NRG1: variants seen among roughly 807,000 people sequenced by gnomAD.
NRG1 encodes pro-neuregulin-1, membrane-bound isoform.
Under a neutral mutation model 63.8 loss-of-function variants are expected in NRG1, and 18 were observed. That is an observed-to-expected ratio of 0.28 (90% CI 0.19 to 0.42). NRG1 has a LOEUF of 0.42. NRG1 is among the 10% of genes least tolerant of loss of function. NRG1 has a pLI of 1.00. For missense variants in NRG1, 762 were observed against 814.7 expected (o/e 0.94, Z 0.79); for synonymous variants, 302 against 301.3 (o/e 1.00, Z -0.02).
chr8:32,608,103 T>G (rs1323519886), intron 3 of NRG1, among the ~76,000 whole-genome samples: 52 of 126,704 alleles, frequency 4.1e-4, no homozygotes, highest in East Asian at 1.2e-3. Context: ...TTTTTTTTTT[T>G]TTTGTTTTTT....
intron 5 of NRG1, among the ~76,000 whole-genome samples, chr8:32,624,038 A>G (rs888789018): frequency 1.3e-5 from 2 of 152,212 alleles, no homozygotes; most frequent in African/African-American, 4.8e-5. Context: ...TTTATAAGGC[A>G]TATTTTCTTA....
chr8:32,304,600 A>C (rs1476629058), intron 1 of NRG1, among the ~76,000 whole-genome samples: 1 of 152,198 alleles, frequency 6.6e-6, no homozygotes, highest in Non-Finnish European at 1.5e-5. Flanking sequence ...TAGTAAAAAA[A>C]ATATAAAATA....
At chr8:32,453,610 G>T (rs1194409909) in intron 1 of NRG1, among the ~76,000 whole-genome samples, 1 of 152,142 alleles carries the variant, frequency 6.6e-6, no homozygotes, top group Non-Finnish European at 1.5e-5. Context: ...TTCAGGAGGT[G>T]GGTAGGACCA....
rs138969743 is a variant in NRG1 at position 32,438,918 on chromosome 8, TTC to T, written c.38-156908_38-156907del. 9.8e-3 allele frequency among the ~76,000 whole-genome samples: 1,492 copies of T among 152,302 alleles called. 22 individuals carry two copies. The highest frequency in any genetic ancestry group is 0.034 in the African/African-American group (1,414 of 41,578). Reference sequence around the variant, plus strand: ...TTGAGTTTTAAGAGTTCTGTATATATTCTTGATAGCAGTCCTTTGTCGGATAT... The same window carrying T: ...TTGAGTTTTAAGAGTTCTGTATATATTTGATAGCAGTCCTTTGTCGGATAT... On this transcript the variant is annotated intron_variant, in intron 1 of 10. Coordinates refer to the NRG1 transcript ENST00000519301.
intron 1 of NRG1, among the ~76,000 whole-genome samples, chr8:31,698,198 T>C (rs1810281015): frequency 6.6e-6 from 1 of 152,164 alleles, no homozygotes; most frequent in East Asian, 1.9e-4. Context: ...CCCCCAATAT[T>C]TCTTTGCTTC....
At chr8:32,672,132 C>T (rs1805837044) in intron 5 of NRG1, among the ~76,000 whole-genome samples, 1 of 152,064 alleles carries the variant, frequency 6.6e-6, no homozygotes, top group African/African-American at 2.4e-5. Flanking sequence ...GCAACCTCCA[C>T]CTCCCGGGTT....
At chr8:32,500,658 A>T (rs1041310583) in intron 1 of NRG1, among the ~76,000 whole-genome samples, 2 of 152,236 alleles carry the variant, frequency 1.3e-5, no homozygotes, top group Non-Finnish European at 2.9e-5. Flanking sequence ...AATACTCAAT[A>T]AGCATTTCTG....
intron 1 of NRG1, among the ~76,000 whole-genome samples, chr8:32,316,472 CAAAAA>C (rs60206972): frequency 3.2e-5 from 4 of 125,256 alleles, no homozygotes; most frequent in Non-Finnish European, 1.7e-5. Flanking sequence ...GAGACTCCAT[CAAAAA>C]AAAAAAAAAA....
chr8:32,692,631 G>T (rs1328577926), intron 5 of NRG1, among the ~76,000 whole-genome samples: 1 of 152,172 alleles, frequency 6.6e-6, no homozygotes, highest in Admixed American at 6.5e-5. Context: ...AACAGCATTT[G>T]CCTTTTGATT....
intron 1 of NRG1, among the ~76,000 whole-genome samples, chr8:32,318,730 CAAA>C (rs1801044823): frequency 6.6e-6 from 1 of 152,180 alleles, no homozygotes; most frequent in Non-Finnish European, 1.5e-5. Context: ...TTGATTTACT[CAAA>C]GAAGACTTGC....
At chr8:31,785,122 A>T (rs1820051078) in intron 1 of NRG1, among the ~76,000 whole-genome samples, 1 of 152,118 alleles carries the variant, frequency 6.6e-6, no homozygotes, top group African/African-American at 2.4e-5. Flanking sequence ...AAGGCAGTGG[A>T]GGTGATGTGG....
intron 5 of NRG1, among the ~76,000 whole-genome samples, chr8:32,669,875 G>A (rs1589107409): frequency 6.6e-6 from 1 of 151,964 alleles, no homozygotes; most frequent in Admixed American, 6.6e-5. Context: ...AAGAACATTG[G>A]ACTAGTGAAA....
At chr8:32,540,777 C>A (rs892081720) in intron 1 of NRG1, among the ~76,000 whole-genome samples, 6 of 152,136 alleles carry the variant, frequency 3.9e-5, no homozygotes, top group Non-Finnish European at 5.9e-5. Context: ...GAGCTCCCTG[C>A]ACCATTTGAA....
chr8:31,910,456 C>T (rs1344253971), intron 1 of NRG1, among the ~76,000 whole-genome samples: 1 of 152,104 alleles, frequency 6.6e-6, no homozygotes, highest in Non-Finnish European at 1.5e-5. Context: ...TTTAAGAGGT[C>T]ATTCTATTTT....
At chr8:32,404,716 C>G (rs901011872) in intron 1 of NRG1, among the ~76,000 whole-genome samples, 13 of 151,480 alleles carry the variant, frequency 8.6e-5, no homozygotes, top group African/African-American at 2.9e-4. Context: ...TCCCTAGTAA[C>G]TGGGGCTACA....
intron 1 of NRG1, among the ~76,000 whole-genome samples, chr8:31,690,031 A>C (rs1299926585): frequency 6.6e-6 from 1 of 152,172 alleles, no homozygotes; most frequent in African/African-American, 2.4e-5. Flanking sequence ...GTGGGAGGTA[A>C]TTGAATCATG....
At chr8:32,510,514 A>G (rs565981292) in intron 1 of NRG1, among the ~76,000 whole-genome samples, 1 of 152,278 alleles carries the variant, frequency 6.6e-6, no homozygotes, top group African/African-American at 2.4e-5. Flanking sequence ...TGCTAAAGAA[A>G]TAAAAAAGTA....
intron 5 of NRG1, among the ~76,000 whole-genome samples, chr8:32,696,747 C>T (rs12549546): frequency 5.9e-4 from 90 of 151,544 alleles, no homozygotes; most frequent in African/African-American, 2.1e-3. Flanking sequence ...CTACAACCTC[C>T]GCCTCCCAGG....
intron 1 of NRG1, among the ~76,000 whole-genome samples, chr8:32,369,859 T>C (rs1232182996): frequency 1.3e-5 from 2 of 152,156 alleles, no homozygotes; most frequent in Non-Finnish European, 2.9e-5. Context: ...GCAGAACTTT[T>C]CCATGTTTTA....
Sources: gnomAD v4.1 joint callset for allele counts (sites outside exome capture counted in the v4.1 genomes callset) on GRCh38, gnomAD v4.1.1 for gene constraint, MANE v1.5 for transcripts, NCBI Gene and HGNC (gene_info 2026-07-23, HGNC 2026-07-21) for gene names.